Variants in PLEKHA1 observed in about 807,000 individuals in gnomAD.
The protein encoded by PLEKHA1 is pleckstrin homology domain-containing family A member 1.
A neutral mutation model predicts 52.0 loss-of-function variants in PLEKHA1; 34 were observed. The observed-to-expected ratio is 0.65, with a 90% confidence interval of 0.50 to 0.87. The LOEUF (loss-of-function observed/expected upper bound fraction) is 0.87, where lower values mean the gene tolerates loss of function less well. Ranked by LOEUF, PLEKHA1 falls within the 40% of genes least tolerant of loss-of-function variation. The pLI is 0.00. For synonymous variants in PLEKHA1, 163 were observed against 170.7 expected (o/e 0.95, Z 0.35); for missense variants, 497 against 504.2 (o/e 0.99, Z 0.14).
At chr10:122,426,123 AATG>A (rs1190281885) in intron 10 of PLEKHA1, among the ~76,000 whole-genome samples, 2 of 152,210 alleles carry the variant, frequency 1.3e-5, no homozygotes. Flanking sequence ...ACTGTAATAA[AATG>A]ATGAAAAACA....
At chr10:122,417,821 A>C (rs2097200857) in intron 7 of PLEKHA1, 79 bp from the exon 8 acceptor site, 1 of 1,048,848 alleles carries the variant, frequency 9.5e-7, no homozygotes, top group Admixed American at 1.8e-5. Flanking sequence ...TTGTGGGTTC[A>C]TATCAGGGTA....
chr10:122,429,583 A>T (rs755979042), intron 11 of PLEKHA1, 41 bp from the exon 12 acceptor site: 1 of 1,585,304 alleles, frequency 6.3e-7, no homozygotes, highest in African/African-American at 1.3e-5. Flanking sequence ...TAACCTGGTC[A>T]TGAGTGACTG....
At position 122,430,119 on chromosome 10, in the gene PLEKHA1, C is replaced by A. The variant is rs2097403892; in HGVS notation, c.*181C>A. ...GGAGTGGCCAAACTAAATATAATTTCTTTAAAAAAGAAAGAAAAAGGAAAA... is the reference window on the plus strand; with the variant it reads ...GGAGTGGCCAAACTAAATATAATTTATTTAAAAAAGAAAGAAAAAGGAAAA... On this transcript the variant is annotated 3_prime_UTR_variant, in exon 12 of 12. Coordinates refer to ENST00000368990, the MANE Select transcript of PLEKHA1 (RefSeq NM_001001974.4). The A allele has an allele frequency of 3.0e-6, 2 of 661,328 alleles. No homozygotes were observed. The highest frequency in any genetic ancestry group is 4.6e-6 in the Non-Finnish European group (2 of 433,908). 41.0% of individuals were successfully genotyped at this position (661,328 alleles called of 1,614,324 possible).
At chr10:122,417,999 A>G (rs1279133516) in intron 8 of PLEKHA1, 31 bp downstream of exon 8, 2 of 1,549,824 alleles carry the variant, frequency 1.3e-6, no homozygotes, top group South Asian at 1.1e-5. Flanking sequence ...TGTTGCTATA[A>G]GAATGTTTGA....
In PLEKHA1 at chr10:122,429,627, C is replaced by T. The variant is rs1168062327; in HGVS notation, c.904C>T (p.His302Tyr). ...RGPGRSASSE[H>Y]PPGPSESKHA... ...TGACTGCCACTCCTTTTTGCAGGAG[C>T]ATCCCCCCGGTCCTTCAGAATCCAA... The change falls in exon 12 of 12, where the codon CAT becomes TAT. Residue 302 changes from histidine (H) to tyrosine (Y), a missense_variant. Transcript: ENST00000368990. 6.2e-7 allele frequency: 1 copy of T among 1,611,592 alleles called. No individual in the cohort carries two copies. The highest frequency in any genetic ancestry group is 8.5e-7 in the Non-Finnish European group (1 of 1,178,608).
At chr10:122,403,210 A>G (rs1031127838) in intron 4 of PLEKHA1, among the ~76,000 whole-genome samples, 1 of 152,220 alleles carries the variant, frequency 6.6e-6, no homozygotes, top group African/African-American at 2.4e-5. Flanking sequence ...AAGTACAACA[A>G]AGGTAAAGAT....
At chr10:122,394,626 T>C (rs1249792050) in intron 2 of PLEKHA1, among the ~76,000 whole-genome samples, 8 of 152,180 alleles carry the variant, frequency 5.3e-5, no homozygotes, top group African/African-American at 1.9e-4. Flanking sequence ...TTCTTCACTA[T>C]ATACTGATTT....
chr10:122,386,201 T>C (rs960068681), intron 1 of PLEKHA1, among the ~76,000 whole-genome samples: 7 of 152,204 alleles, frequency 4.6e-5, no homozygotes, highest in African/African-American at 1.7e-4. Flanking sequence ...TGTTATAGTA[T>C]CTTGTGGTTT....
In PLEKHA1 at chr10:122,425,085, G is replaced by A. The variant is rs1018879087; in HGVS notation, c.810+126G>A. The A allele has an allele frequency of 7.6e-6, 6 of 784,748 alleles. No homozygotes were observed. In the Admixed American group the frequency reaches 1.5e-4, roughly 19 times the overall value. The allele number at this position is 784,748 out of a possible 1,614,324, so 48.6% of individuals were successfully genotyped here. Reference sequence around the variant, plus strand: ...AAAATATGACAACTGTAATTCACCAGCTTAATAAAAGGGTACTGTATATAG... The same window carrying A: ...AAAATATGACAACTGTAATTCACCAACTTAATAAAAGGGTACTGTATATAG... On this transcript the variant is annotated intron_variant, in intron 10 of 11. Transcript: ENST00000368990.
chr10:122,424,854 A>G (rs1345858314), intron 9 of PLEKHA1, 42 bp from the exon 10 acceptor site: 3 of 1,527,132 alleles, frequency 2.0e-6, no homozygotes, highest in Non-Finnish European at 2.7e-6. Flanking sequence ...AGAAACTCAA[A>G]CAACTGCTAT....
chr10:122,407,066 A>G (rs756897723), intron 5 of PLEKHA1, among the ~76,000 whole-genome samples: 1 of 152,124 alleles, frequency 6.6e-6, no homozygotes, highest in Non-Finnish European at 1.5e-5. Flanking sequence ...CATGACTGGG[A>G]TTGGGGTCAG....
intron 5 of PLEKHA1, among the ~76,000 whole-genome samples, chr10:122,410,289 A>G (rs2097089957): frequency 6.6e-6 from 1 of 152,176 alleles, no homozygotes; most frequent in Admixed American, 6.5e-5. Flanking sequence ...CCAAGATTAC[A>G]TTCAGATCTC....
intron 7 of PLEKHA1, among the ~76,000 whole-genome samples, chr10:122,416,644 T>C (rs1381567028): frequency 3.3e-5 from 5 of 152,202 alleles, no homozygotes; most frequent in African/African-American, 1.2e-4. Context: ...ATGATGAATT[T>C]TTTGCAAGAG....
At chr10:122,416,250 T>G (rs1333378895) in intron 7 of PLEKHA1, among the ~76,000 whole-genome samples, 3 of 152,104 alleles carry the variant, frequency 2.0e-5, no homozygotes, top group Non-Finnish European at 4.4e-5. Context: ...AAATGAGCTT[T>G]CCTAACAGTT....
downstream of PLEKHA1, chr10:122,436,993 C>CTTTTTTTTTTT (rs34565375): frequency 1.2e-5 from 1 of 84,856 alleles, no homozygotes; most frequent in Non-Finnish European, 2.1e-5. Flanking sequence ...TTACATCAGC[C>CTTTTTTTTTTT]TTTTTTTTTT....
At chr10:122,394,808 G>A (rs1028478294) in intron 2 of PLEKHA1, among the ~76,000 whole-genome samples, 8 of 152,136 alleles carry the variant, frequency 5.3e-5, no homozygotes, top group African/African-American at 1.9e-4. Flanking sequence ...GTTGACATAT[G>A]TATGGTTTCT....
At chr10:122,426,849 C>T in intron 10 of PLEKHA1, 93 bp from the exon 11 acceptor site, 3 of 1,098,980 alleles carry the variant, frequency 2.7e-6, no homozygotes, top group Non-Finnish European at 3.9e-6. Context: ...TTGTTGATGA[C>T]AGTATTTTAA....
intron 1 of PLEKHA1, among the ~76,000 whole-genome samples, chr10:122,384,913 C>T (rs969193583): frequency 1.1e-4 from 16 of 152,238 alleles, no homozygotes; most frequent in African/African-American, 2.6e-4. Context: ...CCGAGTATCA[C>T]GCGACTGCAC....
chr10:122,438,696 C>G, the PLEKHA1 span: 1 of 152,214 alleles, frequency 6.6e-6, no homozygotes, highest in Non-Finnish European at 1.5e-5. Flanking sequence ...GCATGAATGA[C>G]AGTGTTCAAT....
Sources: allele counts gnomAD v4.1 joint callset (sites outside exome capture counted in the v4.1 genomes callset), GRCh38; gene constraint gnomAD v4.1.1; transcripts MANE v1.5; gene names NCBI Gene and HGNC (gene_info 2026-07-23, HGNC 2026-07-21).